The following EEFSEC variants were observed in gnomAD, a reference collection of about 807,000 sequenced individuals.
The protein encoded by EEFSEC is eukaryotic elongation factor, selenocysteine-tRNA specific, also known as selenocysteine-specific elongation factor.
EEFSEC carries 43 observed loss-of-function variants against 42.1 expected under a neutral mutation model. The ratio of observed to expected loss-of-function variants is 1.02; its 90% CI spans 0.80 to 1.32. The LOEUF is 1.32. Among genes scored for constraint, EEFSEC ranks in the 40% most tolerant of loss-of-function variants. The pLI is 0.00. For synonymous variants in EEFSEC, 354 were observed against 339.1 expected, an observed-to-expected ratio of 1.04 and a Z score of -0.48; for missense variants, 745 against 803.6, an observed-to-expected ratio of 0.93 and a Z score of 0.88.
chr3:128,341,179 C>A (rs2067245926), intron 4 of EEFSEC, 54 bp from the exon 5 acceptor site: 2 of 1,544,154 alleles, frequency 1.3e-6, no homozygotes, highest in Non-Finnish European at 8.7e-7. Context: ...CCTCTCCTCC[C>A]CACAGCCCCG....
intron 6 of EEFSEC, among the ~76,000 whole-genome samples, chr3:128,391,514 C>T (rs955842004): frequency 6.6e-6 from 1 of 152,232 alleles, no homozygotes; most frequent in African/African-American, 2.4e-5. Flanking sequence ...TGGTGCCCTC[C>T]AGGCCTGCTC....
intron 4 of EEFSEC, among the ~76,000 whole-genome samples, chr3:128,280,555 C>T (rs570342443): frequency 2.6e-5 from 4 of 152,138 alleles, no homozygotes; most frequent in Admixed American, 1.3e-4. Flanking sequence ...TGGAATGGGC[C>T]CCTCCTCCTG....
At position 128,312,575 on chromosome 3, in the gene EEFSEC, T is replaced by C. The variant is rs112701962; in HGVS notation, c.787-28658T>C. On this transcript the variant is annotated intron_variant, in intron 4 of 6. Coordinates refer to ENST00000254730, the MANE Select transcript of EEFSEC (RefSeq NM_021937.5). ...CTCCAAGGAAGGACAGAGGCGTCCA[T>C]GGTTGTTGAAAAGCGGAATGTTCCC... Among the ~76,000 whole-genome samples the C allele has an allele frequency of 6.6e-3, 1,002 of 152,362 alleles. 13 individuals are homozygous for C. Among genetic ancestry groups the C allele is most frequent in the African/African-American group, 0.023 (955 of 41,590 alleles).
intron 6 of EEFSEC, among the ~76,000 whole-genome samples, chr3:128,400,084 T>G (rs2068031461): frequency 9.9e-5 from 15 of 152,092 alleles, no homozygotes; most frequent in Admixed American, 9.8e-4. Flanking sequence ...TTCCCCCTTC[T>G]TTCTGTCTCC....
At chr3:128,177,231 T>C (rs2065359176) in intron 1 of EEFSEC, among the ~76,000 whole-genome samples, 1 of 152,098 alleles carries the variant, frequency 6.6e-6, no homozygotes, top group South Asian at 2.1e-4. Context: ...GTTGATTCCT[T>C]ATCTTAAAAC....
intron 6 of EEFSEC, among the ~76,000 whole-genome samples, chr3:128,370,884 C>T (rs2107604626): frequency 6.6e-6 from 1 of 152,276 alleles, no homozygotes. Flanking sequence ...GAGGCTTGAG[C>T]TTGTCTTGAA....
intron 4 of EEFSEC, 23 bp from the exon 5 acceptor site, chr3:128,341,210 C>T (rs1273172203): frequency 8.3e-6 from 13 of 1,574,452 alleles, no homozygotes; most frequent in Non-Finnish European, 1.1e-5. Context: ...GTTTCATGTG[C>T]TCTCTTGCTT....
intron 1 of EEFSEC, among the ~76,000 whole-genome samples, chr3:128,172,333 G>C (rs1019724284): frequency 2.6e-4 from 39 of 152,224 alleles, no homozygotes; most frequent in African/African-American, 9.2e-4. Context: ...CCTGGGTCTA[G>C]CGGAAATGCC....
At chr3:128,394,475 T>G (rs2067956168) in intron 6 of EEFSEC, among the ~76,000 whole-genome samples, 1 of 144,438 alleles carries the variant, frequency 6.9e-6, no homozygotes, top group Non-Finnish European at 1.5e-5. Context: ...AATGACATTT[T>G]TAATATGTGG....
chr3:128,238,153 C>T (rs2066032319), intron 1 of EEFSEC, among the ~76,000 whole-genome samples: 1 of 152,174 alleles, frequency 6.6e-6, no homozygotes, highest in Non-Finnish European at 1.5e-5. Flanking sequence ...GCAGAAGTCA[C>T]AAGCTCAGGT....
chr3:128,202,189 A>G (rs1195977198), intron 1 of EEFSEC, among the ~76,000 whole-genome samples: 1 of 152,148 alleles, frequency 6.6e-6, no homozygotes, highest in East Asian at 1.9e-4. Context: ...GTTCCATATA[A>G]ATTTTAGAAG....
downstream of EEFSEC, among the ~76,000 whole-genome samples, chr3:128,410,579 G>C (rs1411578749): frequency 6.6e-6 from 1 of 152,178 alleles, no homozygotes; most frequent in Admixed American, 6.5e-5. Context: ...CCTGCCTGCG[G>C]TGTGAGCTTG....
At chr3:128,326,468 A>G (rs1159067629) in intron 4 of EEFSEC, among the ~76,000 whole-genome samples, 1 of 152,104 alleles carries the variant, frequency 6.6e-6, no homozygotes, top group African/African-American at 2.4e-5. Flanking sequence ...AGCAAGGAGC[A>G]CCTCGATTTT....
intron 1 of EEFSEC, among the ~76,000 whole-genome samples, chr3:128,229,369 C>T (rs996218046): frequency 9.2e-5 from 14 of 152,212 alleles, no homozygotes; most frequent in Admixed American, 5.2e-4. Flanking sequence ...TGAGATTCGT[C>T]TGCTCTCATT....
chr3:128,346,742 A>G (rs1326049934), intron 5 of EEFSEC, among the ~76,000 whole-genome samples: 1 of 152,228 alleles, frequency 6.6e-6, no homozygotes, highest in African/African-American at 2.4e-5. Context: ...AGACTCAGCT[A>G]CTCAACTCTG....
the EEFSEC span, among the ~76,000 whole-genome samples, chr3:128,419,953 G>A: frequency 3.3e-5 from 5 of 152,308 alleles, no homozygotes; most frequent in Admixed American, 6.5e-5. Context: ...TGGCCGCAGC[G>A]GGAGGGGGGA....
chr3:128,213,060 C>T (rs527993071), intron 1 of EEFSEC, among the ~76,000 whole-genome samples: 1 of 152,304 alleles, frequency 6.6e-6, no homozygotes, highest in African/African-American at 2.4e-5. Context: ...GGGTTGGCTG[C>T]CCACCACACC....
At chr3:128,233,960 T>G (rs2065983260) in intron 1 of EEFSEC, among the ~76,000 whole-genome samples, 1 of 152,238 alleles carries the variant, frequency 6.6e-6, no homozygotes, top group Non-Finnish European at 1.5e-5. Flanking sequence ...TGGTGCATTC[T>G]TAAGCATGCA....
Position 128,358,266 on chromosome 3 carries a change from C to T in EEFSEC, c.1493C>T (p.Thr498Ile). 6.2e-7 allele frequency: 1 copy of T among 1,614,220 alleles called. No individual in the cohort carries two copies. Among genetic ancestry groups the T allele is most frequent in the Non-Finnish European group, 8.5e-7 (1 of 1,180,020 alleles). Residue 498 changes from threonine (T) to isoleucine (I), a missense_variant, in exon 6 of 7, where the codon ACC (threonine) becomes ATC (isoleucine). Thr to Ile is a moderately conservative substitution (Grantham distance 89). Coordinates refer to ENST00000254730, the MANE Select transcript of EEFSEC (RefSeq NM_021937.5). ...VIGRSLFKKE[T>I]NIQLFVGLKV... Reference sequence around the variant, plus strand: ...GGCCGCTCCCTGTTCAAAAAGGAAACCAACATCCAGCTCTTCGTGGGGCTC... The same window carrying T: ...GGCCGCTCCCTGTTCAAAAAGGAAATCAACATCCAGCTCTTCGTGGGGCTC...
Sources: gnomAD v4.1 joint callset for allele counts (sites outside exome capture counted in the v4.1 genomes callset) on GRCh38, gnomAD v4.1.1 for gene constraint, MANE v1.5 for transcripts, NCBI Gene and HGNC (gene_info 2026-07-23, HGNC 2026-07-21) for gene names.